Variants in CPA6 observed in about 807,000 individuals in gnomAD.
The protein encoded by CPA6 is carboxypeptidase B.
In CPA6, 58 loss-of-function variants were observed where a neutral mutation model predicts 63.3. The ratio of observed to expected loss-of-function variants is 0.92; its 90% confidence interval spans 0.74 to 1.14. The LOEUF (loss-of-function observed/expected upper bound fraction) is 1.14, where lower values mean the gene tolerates loss of function less well. Among genes scored for constraint, CPA6 ranks in the 50% most tolerant of loss-of-function variants. The probability of loss-of-function intolerance (pLI) is 0.00; values close to 1 mark genes in which losing one functional copy is unlikely to be tolerated. For missense variants in CPA6, 565 were observed against 526.6 expected, an observed-to-expected ratio of 1.07 and a Z score of -0.71; for synonymous variants, 185 against 179.0, an observed-to-expected ratio of 1.03 and a Z score of -0.27.
chr8:67,651,410 G>A (rs975440231), intron 1 of CPA6, among the ~76,000 whole-genome samples: 6 of 152,078 alleles, frequency 3.9e-5, no homozygotes, highest in Middle Eastern at 6.8e-3. Context: ...CCTCTATACT[G>A]GCTTCTCTTC....
intron 8 of CPA6, among the ~76,000 whole-genome samples, chr8:67,470,350 G>A (rs1445000663): frequency 6.6e-6 from 1 of 152,008 alleles, no homozygotes; most frequent in Non-Finnish European, 1.5e-5. Flanking sequence ...TTTCTGATGT[G>A]CCTCACCAAA....
chr8:67,426,991 T>A (rs1482177181), intron 10 of CPA6, among the ~76,000 whole-genome samples: 1 of 152,214 alleles, frequency 6.6e-6, no homozygotes. Context: ...ATATACCCAC[T>A]TGGAAGGACA....
At chr8:67,726,213 T>TA (rs1817594006) in intron 1 of CPA6, among the ~76,000 whole-genome samples, 1 of 152,170 alleles carries the variant, frequency 6.6e-6, no homozygotes, top group Admixed American at 6.5e-5. Flanking sequence ...TAATGAAGTA[T>TA]ATATAGATCA....
intron 2 of CPA6, among the ~76,000 whole-genome samples, chr8:67,599,072 T>C (rs528176766): frequency 6.6e-6 from 1 of 152,294 alleles, no homozygotes; most frequent in African/African-American, 2.4e-5. Context: ...AGCTACCTGG[T>C]TTAAGGATTC....
At chr8:67,546,411 A>C (rs1812819632) in intron 2 of CPA6, among the ~76,000 whole-genome samples, 1 of 152,186 alleles carries the variant, frequency 6.6e-6, no homozygotes, top group African/African-American at 2.4e-5. Flanking sequence ...ACTGTCCCTC[A>C]AGGTTGGTTC....
intron 1 of CPA6, among the ~76,000 whole-genome samples, chr8:67,684,801 C>T (rs1816677239): frequency 6.6e-6 from 1 of 152,142 alleles, no homozygotes. Flanking sequence ...TATCTGATCA[C>T]CTTCCACATC....
intron 2 of CPA6, among the ~76,000 whole-genome samples, chr8:67,580,886 G>A (rs1813753468): frequency 6.6e-6 from 1 of 152,114 alleles, no homozygotes; most frequent in Non-Finnish European, 1.5e-5. Flanking sequence ...TTATTTAAGG[G>A]GAATGTGTTG....
intron 1 of CPA6, among the ~76,000 whole-genome samples, chr8:67,683,657 C>T (rs1385826154): frequency 6.6e-6 from 1 of 151,970 alleles, no homozygotes; most frequent in African/African-American, 2.4e-5. Context: ...TTTATTTGGC[C>T]CAAGAGAAAC....
chr8:67,563,393 T>C (rs1339316516), intron 2 of CPA6, among the ~76,000 whole-genome samples: 9 of 152,222 alleles, frequency 5.9e-5, no homozygotes, highest in Non-Finnish European at 1.0e-4. Context: ...TGAGATCATA[T>C]ATGTAAAGAA....
intron 1 of CPA6, among the ~76,000 whole-genome samples, chr8:67,740,055 G>T (rs764846460): frequency 1.3e-5 from 2 of 152,174 alleles, no homozygotes; most frequent in Non-Finnish European, 2.9e-5. Flanking sequence ...TGAAGACATG[G>T]AATAAAACTC....
At chr8:67,566,434 C>T (rs1234437380) in intron 2 of CPA6, among the ~76,000 whole-genome samples, 1 of 152,190 alleles carries the variant, frequency 6.6e-6, no homozygotes, top group African/African-American at 2.4e-5. Flanking sequence ...CTCCAGTCTA[C>T]TTTATCAATC....
At chr8:67,742,164 A>G (rs1469152638) in intron 1 of CPA6, among the ~76,000 whole-genome samples, 1 of 152,132 alleles carries the variant, frequency 6.6e-6, no homozygotes, top group Non-Finnish European at 1.5e-5. Context: ...GTGTGACAAC[A>G]GAAAGTTCTT....
At chr8:67,526,306 G>A (rs775312793) in intron 2 of CPA6, among the ~76,000 whole-genome samples, 8 of 152,156 alleles carry the variant, frequency 5.3e-5, no homozygotes, top group Non-Finnish European at 1.2e-4. Flanking sequence ...AGAAGCAGTG[G>A]TCACTGACAT....
intron 8 of CPA6, among the ~76,000 whole-genome samples, chr8:67,443,697 G>C (rs970328716): frequency 6.6e-6 from 1 of 152,000 alleles, no homozygotes; most frequent in African/African-American, 2.4e-5. Context: ...GGATTTTAAC[G>C]CATGGTCAAA....
chr8:67,501,122 T>A (rs1231781183), intron 6 of CPA6, among the ~76,000 whole-genome samples: 2 of 152,114 alleles, frequency 1.3e-5, no homozygotes, highest in Non-Finnish European at 2.9e-5. Context: ...GAAATTTTGA[T>A]AGGAATTGTG....
chr8:67,632,198 T>G (rs1172275087), intron 1 of CPA6, among the ~76,000 whole-genome samples: 1 of 151,758 alleles, frequency 6.6e-6, no homozygotes, highest in Non-Finnish European at 1.5e-5. Flanking sequence ...TCAGAGACAG[T>G]CTCGCTCTGT....
chr8:67,570,945 C>T (rs1813471340), intron 2 of CPA6, among the ~76,000 whole-genome samples: 1 of 152,002 alleles, frequency 6.6e-6, no homozygotes, highest in Non-Finnish European at 1.5e-5. Context: ...ATGCTATCTA[C>T]AAGAGATTCA....
chr8:67,475,843 CTTT>C (rs1811190547), intron 8 of CPA6, among the ~76,000 whole-genome samples: 2 of 67,154 alleles, frequency 3.0e-5, no homozygotes, highest in South Asian at 5.1e-4. Context: ...TTCTTTCTTT[CTTT>C]CTTTCTTTCT....
At chr8:67,493,620 A>G (rs1398539210) in intron 6 of CPA6, among the ~76,000 whole-genome samples, 1 of 152,232 alleles carries the variant, frequency 6.6e-6, no homozygotes, top group Non-Finnish European at 1.5e-5. Flanking sequence ...AGGACTAGCC[A>G]TCACTGCAGT....
Sources: gnomAD v4.1 joint callset for allele counts (sites outside exome capture counted in the v4.1 genomes callset) on GRCh38, gnomAD v4.1.1 for gene constraint, MANE v1.5 for transcripts, NCBI Gene and HGNC (gene_info 2026-07-23, HGNC 2026-07-21) for gene names.